FAM135B: variants seen among roughly 807,000 people sequenced by gnomAD.
FAM135B encodes the protein protein FAM135B.
Under a neutral mutation model 127.7 loss-of-function variants are expected in FAM135B, and 43 were observed. The ratio of observed to expected loss-of-function variants is 0.34; its 90% confidence interval spans 0.26 to 0.43. The LOEUF is 0.43. FAM135B is among the 20% of genes least tolerant of loss of function. FAM135B has a pLI of 1.00. For synonymous variants in FAM135B, 670 were observed against 665.1 expected (o/e 1.01, Z -0.11); for missense variants, 1,558 against 1,725.6 (o/e 0.90, Z 1.72).
At position 138,243,053 on chromosome 8, in the gene FAM135B, T is replaced by G; in HGVS notation, c.558A>C (p.Gly186=). 6.2e-7 allele frequency: 1 copy of G among 1,609,642 alleles called. No homozygotes were observed. Among genetic ancestry groups the G allele is most frequent in the African/African-American group, 1.3e-5 (1 of 74,678 alleles). The change falls in exon 7 of 20, where the codon GGA becomes GGC. Residue 186 remains glycine, a synonymous_variant. Coordinates refer to ENST00000395297, the MANE Select transcript of FAM135B (RefSeq NM_015912.4). This position sits in a 1 kb window ranked among gnomAD's most constrained non-coding sequence, Gnocchi z 7.5. ...CACCTTTACCAAGCCAGGAGCCTCT[T>G]CCTGGACGAGTAAAACTAAACAAAA... ...QQPLISFTRP[G]RGSWLGKGGP... is the part of the protein sequence containing the mutation.
At chr8:138,454,921 C>T (rs1428178815) in intron 1 of FAM135B, among the ~76,000 whole-genome samples, 4 of 152,210 alleles carry the variant, frequency 2.6e-5, no homozygotes, top group African/African-American at 9.6e-5. Flanking sequence ...CAGCCCAGGG[C>T]TTGGCATGTA....
At chr8:138,226,310 T>C (rs1489148447) in intron 7 of FAM135B, among the ~76,000 whole-genome samples, 1 of 151,944 alleles carries the variant, frequency 6.6e-6, no homozygotes, top group Non-Finnish European at 1.5e-5. Flanking sequence ...CCTGCCCTCA[T>C]AGAACACAGA....
chr8:138,399,084 C>A lies in FAM135B; in HGVS notation c.-19-31082G>T, dbSNP rs558188417. 2.6e-5 allele frequency among the ~76,000 whole-genome samples: 4 copies of A among 152,200 alleles called. No individual in the cohort carries two copies. The East Asian group carries it at 7.7e-4, about 29-fold the overall frequency. On this transcript the variant is annotated intron_variant, in intron 1 of 19. Coordinates refer to ENST00000395297, the MANE Select transcript of FAM135B (RefSeq NM_015912.4). ...AGAATAATAATATATATTTTTAAGACCCCTGATTTAGGGTTCTCATAGCAT... is the reference window on the plus strand; with the variant it reads ...AGAATAATAATATATATTTTTAAGAACCCTGATTTAGGGTTCTCATAGCAT...
At position 138,152,775 on chromosome 8, in the gene FAM135B, T is replaced by G. The variant is rs1818295070; in HGVS notation, c.1700A>C (p.Glu567Ala). The change falls in exon 13 of 20, where the codon GAA (glutamate) becomes GCA (alanine). Residue 567 changes from glutamate to alanine, a missense_variant. By Grantham distance (107) the Glu-to-Ala change is moderately radical. Coordinates refer to ENST00000395297, the MANE Select transcript of FAM135B (RefSeq NM_015912.4). ...CTGAGCATTGAAGGCCACCAGGGGTTCAGCTCTGGAGGGGTTCTTATTGCT... is the reference window on the plus strand; with the variant it reads ...CTGAGCATTGAAGGCCACCAGGGGTGCAGCTCTGGAGGGGTTCTTATTGCT... ...KSSNKNPSRA[E>A]PLVAFNAQHE... is the part of the protein sequence containing the mutation. 6.2e-7 allele frequency: 1 copy of G among 1,614,218 alleles called. No individual in the cohort carries two copies. Among genetic ancestry groups the G allele is most frequent in the South Asian group, 1.1e-5 (1 of 91,090 alleles).
chr8:138,156,849 C>T (rs886293117), intron 12 of FAM135B, among the ~76,000 whole-genome samples: 21 of 152,116 alleles, frequency 1.4e-4, no homozygotes, highest in African/African-American at 5.1e-4. Flanking sequence ...GGATTCACAG[C>T]CAAATTCCAC....
At chr8:138,330,246 T>C (rs1384189472) in intron 2 of FAM135B, among the ~76,000 whole-genome samples, 1 of 152,200 alleles carries the variant, frequency 6.6e-6, no homozygotes, top group Non-Finnish European at 1.5e-5. Context: ...AGTTCAAAGT[T>C]GTGGCTGCTG....
In FAM135B at chr8:138,335,896, C is replaced by A. The variant is rs548571406; in HGVS notation, c.78-24976G>T. ...GCAAATGTGAAAGAACAGAAATTAT[C>A]ACAAACTGTCTCTCAGACCACAGTG... On this transcript the variant is annotated intron_variant, in intron 2 of 19. Transcript: ENST00000395297. Among the ~76,000 whole-genome samples the A allele has an allele frequency of 3.2e-3, 483 of 152,240 alleles. 1 individual carries two copies. The highest frequency in any genetic ancestry group is 4.4e-3 in the Non-Finnish European group (301 of 68,006).
intron 3 of FAM135B, among the ~76,000 whole-genome samples, chr8:138,297,349 G>A (rs1246469624): frequency 6.6e-6 from 1 of 152,322 alleles, no homozygotes; most frequent in South Asian, 2.1e-4. Flanking sequence ...CTGCTATCAT[G>A]CTCATATGCA....
At chr8:138,472,552 C>T (rs550862007) in intron 1 of FAM135B, among the ~76,000 whole-genome samples, 13 of 151,944 alleles carry the variant, frequency 8.6e-5, no homozygotes, top group South Asian at 8.3e-4. Context: ...AGGTAGACAA[C>T]GGAAGGAGGG....
intron 1 of FAM135B, among the ~76,000 whole-genome samples, chr8:138,426,077 A>G (rs1471615244): frequency 1.1e-5 from 1 of 93,058 alleles, no homozygotes; most frequent in Non-Finnish European, 1.9e-5. Context: ...ACACACATAT[A>G]TAAAATGTTT....
chr8:138,298,565 A>G (rs1410034055), intron 3 of FAM135B, among the ~76,000 whole-genome samples: 1 of 152,178 alleles, frequency 6.6e-6, no homozygotes, highest in Non-Finnish European at 1.5e-5. Flanking sequence ...GATAGAAGAT[A>G]AGTGTAAGAG....
chr8:138,222,261 AG>A (rs1326203825), intron 7 of FAM135B, among the ~76,000 whole-genome samples: 9 of 152,332 alleles, frequency 5.9e-5, no homozygotes, highest in African/African-American at 2.2e-4. Context: ...GGCAGATAAA[AG>A]GGGTATAACA....
intron 1 of FAM135B, among the ~76,000 whole-genome samples, chr8:138,464,862 C>G (rs1488877760): frequency 1.3e-5 from 2 of 152,234 alleles, no homozygotes; most frequent in Non-Finnish European, 2.9e-5. Flanking sequence ...GCACAACAGA[C>G]AGTGTCTTTC....
intron 7 of FAM135B, among the ~76,000 whole-genome samples, chr8:138,206,501 C>CCACCTACACACAACTCCA (rs1817641666): frequency 6.6e-6 from 1 of 151,182 alleles, no homozygotes; most frequent in African/African-American, 2.4e-5. Flanking sequence ...ATCATCCCCT[C>CCACCTACACACAACTCCA]GACCTACCCA....
Position 138,150,493 on chromosome 8 carries a change from C to A in FAM135B, c.3281+701G>T, listed in dbSNP as rs1221546828. Among the ~76,000 whole-genome samples the A allele has an allele frequency of 2.0e-5, 3 of 152,068 alleles. No homozygotes were observed. In the East Asian group the frequency reaches 5.8e-4, roughly 29 times the overall value. ...GACCATCCTAGCCAACATGGTGAAA[C>A]CCCGTCTCTACTAAAAGTACAAAAA... On this transcript the variant is annotated intron_variant, in intron 13 of 19. Coordinates refer to ENST00000395297, the MANE Select transcript of FAM135B (RefSeq NM_015912.4).
At chr8:138,170,215 ATCT>A (rs1481259448) in intron 11 of FAM135B, among the ~76,000 whole-genome samples, 18 of 122,306 alleles carry the variant, frequency 1.5e-4, no homozygotes, top group Non-Finnish European at 2.7e-4. Context: ...CACTGTTACT[ATCT>A]TTTTTTTTTT....
chr8:138,263,729 G>A (rs1261216726), intron 4 of FAM135B, among the ~76,000 whole-genome samples: 1 of 152,146 alleles, frequency 6.6e-6, no homozygotes, highest in Non-Finnish European at 1.5e-5. Flanking sequence ...CATGGTGGAT[G>A]CTCATCCCTG....
intron 18 of FAM135B, among the ~76,000 whole-genome samples, chr8:138,138,343 C>T (rs531252496): frequency 3.9e-5 from 6 of 152,318 alleles, no homozygotes; most frequent in Non-Finnish European, 7.4e-5. Context: ...GTTTACAGGA[C>T]GGTGGAAGAT....
At chr8:138,138,287 G>A (rs139757902) in intron 18 of FAM135B, among the ~76,000 whole-genome samples, 1 of 152,346 alleles carries the variant, frequency 6.6e-6, no homozygotes, top group East Asian at 1.9e-4. Context: ...AGATGAGCCC[G>A]TGGCTACACC....
Sources: allele counts gnomAD v4.1 joint callset (sites outside exome capture counted in the v4.1 genomes callset), GRCh38; gene constraint gnomAD v4.1.1; non-coding constraint Gnocchi (gnomAD v3.1); transcripts MANE v1.5; gene names NCBI Gene and HGNC (gene_info 2026-07-23, HGNC 2026-07-21).